Variants in DOCK9 observed in about 807,000 individuals in gnomAD.
The protein encoded by DOCK9 is dedicator of cytokinesis 9.
A neutral mutation model predicts 263.3 loss-of-function variants in DOCK9; 89 were observed. That is an observed-to-expected ratio of 0.34 (90% confidence interval 0.28 to 0.40). The LOEUF is 0.40. Ranked by LOEUF, DOCK9 falls within the 10% of genes least tolerant of loss-of-function variation. DOCK9 has a pLI of 1.00. For missense variants in DOCK9, 2,140 were observed against 2,603.4 expected (o/e 0.82, Z 3.87); for synonymous variants, 976 against 973.1 (o/e 1.00, Z -0.06).
Position 98,881,962 on chromosome 13 carries a change from TG to T in DOCK9, c.2604del (p.Thr869LeufsTer3). On this transcript the variant is annotated frameshift_variant, in exon 24 of 53. Transcript: ENST00000682017. LOFTEE classifies it high-confidence loss of function. ...ACTCGGAACAGCTGGTTTAGGATAG[TG>T]GGCAAGAAGGCGATCATCACGTGGC... is the stretch of plus-strand genomic sequence containing the variant. ...MEGHVMIAFLPTILNQLFRVL... is the reference protein window; with the variant it reads ...MEGHVMIAFLXTILNQLFRVL... 6.2e-7 allele frequency: 1 copy of T among 1,601,236 alleles called. No individual in the cohort carries two copies. The highest frequency in any genetic ancestry group is 1.1e-5 in the South Asian group (1 of 87,816).
chr13:98,814,785 A>T (rs1594269712), intron 45 of DOCK9, among the ~76,000 whole-genome samples: 2 of 152,036 alleles, frequency 1.3e-5, no homozygotes, highest in East Asian at 3.9e-4. Context: ...TAAAAAATAC[A>T]AAAAAATTAG....
Position 98,867,920 on chromosome 13 carries a change from C to T in DOCK9, c.3174+8G>A, listed in dbSNP as rs766783123. 15 of 1,612,474 alleles carry T rather than the reference C, an allele frequency of 9.3e-6. No homozygotes were observed. Among genetic ancestry groups the T allele is most frequent in the East Asian group, 4.5e-5 (2 of 44,868 alleles). ...GACTTCTGTTACCAGTAACAACCCCCGCACTACCTTTGGGTCTCCAGGAGC... is the reference window on the plus strand; with the variant it reads ...GACTTCTGTTACCAGTAACAACCCCTGCACTACCTTTGGGTCTCCAGGAGC... On this transcript the variant is annotated splice_region_variant and intron_variant, in intron 29 of 52. Coordinates refer to ENST00000682017, the MANE Select transcript of DOCK9 (RefSeq NM_001366683.2).
chr13:98,920,873 T>A, intron 7 of DOCK9, 81 bp downstream of exon 7: 1 of 1,360,976 alleles, frequency 7.3e-7, no homozygotes, highest in Non-Finnish European at 9.8e-7. Flanking sequence ...TTTTTGGAAG[T>A]GTTTGCTTAA....
intron 3 of DOCK9, among the ~76,000 whole-genome samples, chr13:98,928,721 G>T (rs1448985534): frequency 6.6e-6 from 1 of 152,200 alleles, no homozygotes; most frequent in Non-Finnish European, 1.5e-5. Flanking sequence ...GTAAACAAAT[G>T]TGCTTGGCTG....
chr13:99,018,174 G>A (rs1234855724), intron 1 of DOCK9, among the ~76,000 whole-genome samples: 2 of 152,232 alleles, frequency 1.3e-5, no homozygotes, highest in African/African-American at 2.4e-5. Flanking sequence ...AAGTTCATGA[G>A]TTAGAAACTT....
chr13:98,878,203 G>A (rs1055447038), intron 27 of DOCK9, among the ~76,000 whole-genome samples: 1 of 152,156 alleles, frequency 6.6e-6, no homozygotes, highest in Admixed American at 6.5e-5. Context: ...AGGACTTTCA[G>A]CATCTCAATT....
At chr13:98,971,723 T>C (rs1477410985) in intron 1 of DOCK9, among the ~76,000 whole-genome samples, 1 of 151,700 alleles carries the variant, frequency 6.6e-6, no homozygotes, top group Non-Finnish European at 1.5e-5. Flanking sequence ...GAAAGGAAAA[T>C]AGGGAGGAAA....
chr13:98,880,697 T>G, intron 25 of DOCK9, 25 bp from the exon 26 acceptor site: 1 of 1,609,662 alleles, frequency 6.2e-7, no homozygotes, highest in African/African-American at 1.3e-5. Flanking sequence ...GAAAGAGACT[T>G]TAATGCACTG....
At chr13:99,011,230 A>G (rs1169870612) in intron 1 of DOCK9, among the ~76,000 whole-genome samples, 1 of 152,204 alleles carries the variant, frequency 6.6e-6, no homozygotes, top group Admixed American at 6.5e-5. Flanking sequence ...CTTATTTCAA[A>G]AGGATTTAAA....
intron 41 of DOCK9, among the ~76,000 whole-genome samples, chr13:98,830,025 GATAAGCCC>G (rs530273111): frequency 3.3e-4 from 50 of 152,210 alleles, no homozygotes; most frequent in Non-Finnish European, 4.0e-4. Flanking sequence ...AAGAAAATGA[GATAAGCCC>G]ATCCACTTGG....
At chr13:98,846,706 CCTCA>C (rs1267037367) in intron 37 of DOCK9, 8 of 457,572 alleles carry the variant, frequency 1.7e-5, no homozygotes, top group Middle Eastern at 3.5e-4. Context: ...CAACCGTCCC[CCTCA>C]CTGTGTTATT....
intron 30 of DOCK9, among the ~76,000 whole-genome samples, chr13:98,864,302 C>A (rs1162709436): frequency 6.6e-6 from 1 of 152,138 alleles, no homozygotes; most frequent in African/African-American, 2.4e-5. Flanking sequence ...CAGATAGGAG[C>A]AAACATGAAC....
chr13:99,030,875 C>T (rs1438679093), intron 1 of DOCK9, among the ~76,000 whole-genome samples: 3 of 152,176 alleles, frequency 2.0e-5, no homozygotes, highest in Non-Finnish European at 4.4e-5. Context: ...CATTCAAAAA[C>T]ATGCAAATTC....
At chr13:98,955,598 T>C (rs951221203) in intron 1 of DOCK9, 47 bp from the exon 2 acceptor site, 20 of 1,302,500 alleles carry the variant, frequency 1.5e-5, no homozygotes, top group Non-Finnish European at 1.8e-5. Flanking sequence ...ACAAATGCCA[T>C]TTCTTAAGAT....
At chr13:98,954,863 TAC>T (rs71719426) in intron 2 of DOCK9, among the ~76,000 whole-genome samples, 17,607 of 146,220 alleles carry the variant, frequency 0.12, 1,202 homozygotes, top group East Asian at 0.32. Context: ...TTATTCAAGA[TAC>T]ACACACACAC....
At chr13:98,802,387 G>C (rs61968690) in intron 49 of DOCK9, among the ~76,000 whole-genome samples, 3 of 152,202 alleles carry the variant, frequency 2.0e-5, no homozygotes, top group Non-Finnish European at 4.4e-5. Flanking sequence ...AGTCCAAACT[G>C]GCTCTGGAAG....
chr13:99,087,694 G>C (rs555004624), upstream of DOCK9: 5 of 152,488 alleles, frequency 3.3e-5, no homozygotes, highest in South Asian at 4.1e-4. Flanking sequence ...GCCAGGCGGG[G>C]ATTTGCGCCA....
intron 2 of DOCK9, among the ~76,000 whole-genome samples, chr13:98,943,922 A>G (rs890447098): frequency 4.6e-5 from 7 of 152,210 alleles, no homozygotes; most frequent in African/African-American, 1.4e-4. Context: ...CTGACGGAAG[A>G]TATCATCCTT....
chr13:98,896,537 T>C (rs1012139739), intron 15 of DOCK9, among the ~76,000 whole-genome samples: 4 of 152,000 alleles, frequency 2.6e-5, no homozygotes, highest in African/African-American at 9.7e-5. Context: ...TAGTTAGCAT[T>C]TGGCTCTCAG....
Sources: gnomAD v4.1 joint callset for allele counts (sites outside exome capture counted in the v4.1 genomes callset) on GRCh38, gnomAD v4.1.1 for gene constraint, MANE v1.5 for transcripts, NCBI Gene and HGNC (gene_info 2026-07-23, HGNC 2026-07-21) for gene names.